The following NBAS variants were observed in gnomAD, a reference collection of about 807,000 sequenced individuals.
NBAS encodes NAG/BC035112 fusion.
Under a neutral mutation model 302.5 loss-of-function variants are expected in NBAS, and 219 were observed. The observed-to-expected ratio is 0.72, with a 90% CI of 0.65 to 0.81. NBAS has a LOEUF of 0.81. Among genes scored for constraint, NBAS ranks in the 30% least tolerant of loss-of-function variants. The pLI is 0.00. For synonymous variants in NBAS, 1,118 were observed against 1,021.6 expected, an observed-to-expected ratio of 1.09 and a Z score of -1.80; for missense variants, 2,932 against 2,841.6, an observed-to-expected ratio of 1.03 and a Z score of -0.72.
intron 10 of NBAS, among the ~76,000 whole-genome samples, chr2:15,505,960 AAG>A (rs201154626): frequency 0.025 from 3,865 of 152,174 alleles, 174 homozygotes; most frequent in African/African-American, 0.088. Flanking sequence ...ATATAAGAAA[AAG>A]AGAAAATTAT....
At chr2:14,895,822 A>G in the NBAS span, among the ~76,000 whole-genome samples, 33 of 152,188 alleles carry the variant, frequency 2.2e-4, no homozygotes, top group African/African-American at 6.7e-4. Context: ...ACACGAGGGT[A>G]ATAATAAACA....
intron 38 of NBAS, among the ~76,000 whole-genome samples, chr2:15,326,209 G>A (rs1208652249): frequency 2.6e-5 from 4 of 152,192 alleles, no homozygotes; most frequent in Non-Finnish European, 5.9e-5. Flanking sequence ...ACACAGACAT[G>A]AAATGAGCAG....
intron 26 of NBAS, among the ~76,000 whole-genome samples, chr2:15,399,210 G>A (rs1309177521): frequency 2.0e-5 from 3 of 152,084 alleles, no homozygotes; most frequent in Non-Finnish European, 4.4e-5. Context: ...TTGGAAGTCA[G>A]TGATTTTGCC....
intron 44 of NBAS, among the ~76,000 whole-genome samples, chr2:15,259,029 A>C (rs1240993293): frequency 1.3e-5 from 2 of 152,198 alleles, no homozygotes; most frequent in African/African-American, 4.8e-5. Context: ...GCTAACACTT[A>C]GGGAAAATAG....
At chr2:15,127,425 C>G in the NBAS span, among the ~76,000 whole-genome samples, 786 of 152,356 alleles carry the variant, frequency 5.2e-3, 19 homozygotes, top group East Asian at 0.043. Flanking sequence ...CTGGCTGTTA[C>G]TTTAATCTTC....
intron 50 of NBAS, among the ~76,000 whole-genome samples, chr2:15,181,795 T>A (rs1249434457): frequency 6.6e-6 from 1 of 152,186 alleles, no homozygotes; most frequent in Non-Finnish European, 1.5e-5. Flanking sequence ...ATGCCTTCTG[T>A]CCTCACACAA....
At chr2:15,169,186 T>C (rs1664173777) in intron 51 of NBAS, among the ~76,000 whole-genome samples, 1 of 152,162 alleles carries the variant, frequency 6.6e-6, no homozygotes, top group Admixed American at 6.5e-5. Context: ...GTGTCTTTTC[T>C]CCGGCCTCCC....
At chr2:15,445,616 C>T (rs138592998) in intron 21 of NBAS, among the ~76,000 whole-genome samples, 2,112 of 151,278 alleles carry the variant, frequency 0.014, 35 homozygotes, top group East Asian at 0.06. Context: ...GTAACTAACC[C>T]GCACATTGTG....
intron 28 of NBAS, chr2:15,393,532 C>A: frequency 2.7e-6 from 1 of 375,980 alleles, no homozygotes; most frequent in Admixed American, 3.6e-5. Flanking sequence ...CTTTAAAAAA[C>A]AGTTTGGCAG....
chr2:14,972,167 A>G, the NBAS span, among the ~76,000 whole-genome samples: 1 of 152,202 alleles, frequency 6.6e-6, no homozygotes, highest in South Asian at 2.1e-4. Flanking sequence ...GAATGAAACT[A>G]GAATCCATCA....
chr2:15,323,144 C>A (rs1249609814), intron 38 of NBAS, among the ~76,000 whole-genome samples: 1 of 152,128 alleles, frequency 6.6e-6, no homozygotes, highest in Non-Finnish European at 1.5e-5. Flanking sequence ...TCACTGCAAG[C>A]CCTTAAAATC....
chr2:15,009,770 T>A, the NBAS span, among the ~76,000 whole-genome samples: 1 of 149,488 alleles, frequency 6.7e-6, no homozygotes, highest in Admixed American at 6.7e-5. Flanking sequence ...GAGAAAGAGA[T>A]GAAGCAGCCT....
chr2:14,956,138 A>C, the NBAS span, among the ~76,000 whole-genome samples: 1 of 152,180 alleles, frequency 6.6e-6, no homozygotes, highest in East Asian at 1.9e-4. Context: ...GCAAAATGTC[A>C]CCAGTCTCTT....
intron 28 of NBAS, among the ~76,000 whole-genome samples, chr2:15,390,623 G>T (rs995049073): frequency 1.3e-5 from 2 of 150,688 alleles, no homozygotes; most frequent in Non-Finnish European, 3.0e-5. Flanking sequence ...AAATAAAATA[G>T]ATAACTATGT....
the NBAS span, among the ~76,000 whole-genome samples, chr2:14,838,753 G>T: frequency 6.6e-6 from 1 of 151,874 alleles, no homozygotes; most frequent in Non-Finnish European, 1.5e-5. Flanking sequence ...GGTTGCCTTA[G>T]TCTGGTTTCT....
the NBAS span, among the ~76,000 whole-genome samples, chr2:15,000,103 G>T: frequency 4.4e-3 from 668 of 152,308 alleles, 6 homozygotes; most frequent in African/African-American, 0.015. Context: ...ACTTAAAAAT[G>T]TTTTTAGTGA....
chr2:14,837,425 GT>G, the NBAS span, among the ~76,000 whole-genome samples: 1 of 151,760 alleles, frequency 6.6e-6, no homozygotes, highest in Non-Finnish European at 1.5e-5. Flanking sequence ...TGCTATCCAG[GT>G]TTTGCTGGAT....
At chr2:15,340,532 A>T (rs1438031112) in intron 35 of NBAS, among the ~76,000 whole-genome samples, 1 of 152,130 alleles carries the variant, frequency 6.6e-6, no homozygotes, top group Non-Finnish European at 1.5e-5. Flanking sequence ...TTAACTATAG[A>T]TGTTAGGTTG....
At chr2:14,905,624 A>G in the NBAS span, among the ~76,000 whole-genome samples, 1 of 152,194 alleles carries the variant, frequency 6.6e-6, no homozygotes, top group African/African-American at 2.4e-5. Flanking sequence ...TGCCTCCTTC[A>G]TGTGTTTTGA....
Sources: gnomAD v4.1 joint callset for allele counts (sites outside exome capture counted in the v4.1 genomes callset) on GRCh38, gnomAD v4.1.1 for gene constraint, MANE v1.5 for transcripts, NCBI Gene and HGNC (gene_info 2026-07-23, HGNC 2026-07-21) for gene names.